The following SCEL variants were observed in gnomAD, a reference collection of about 807,000 sequenced individuals.
SCEL encodes sciellin.
A neutral mutation model predicts 117.6 loss-of-function variants in SCEL; 113 were observed. That is an observed-to-expected ratio of 0.96 (90% CI 0.83 to 1.12). The LOEUF (loss-of-function observed/expected upper bound fraction) is 1.12, where lower values mean the gene tolerates loss of function less well. Ranked by LOEUF, SCEL falls within the 50% of genes most tolerant of loss-of-function variation. SCEL has a pLI of 0.00. For missense variants in SCEL, 785 were observed against 810.8 expected (o/e 0.97, Z 0.39); for synonymous variants, 270 against 256.2 (o/e 1.05, Z -0.51).
intron 19 of SCEL, among the ~76,000 whole-genome samples, chr13:77,606,280 T>C (rs548157720): frequency 6.6e-6 from 1 of 152,336 alleles, no homozygotes; most frequent in African/African-American, 2.4e-5. Flanking sequence ...TTTGTGTATA[T>C]GGGTGCATAT....
intron 9 of SCEL, among the ~76,000 whole-genome samples, chr13:77,581,801 GT>G (rs1450113466): frequency 5.9e-5 from 9 of 152,200 alleles, no homozygotes; most frequent in Admixed American, 5.9e-4. Flanking sequence ...TAAAGGGACT[GT>G]CTCTGGTCAT....
chr13:77,608,445 C>G (rs886921495), intron 20 of SCEL, among the ~76,000 whole-genome samples: 13 of 152,024 alleles, frequency 8.6e-5, no homozygotes, highest in Non-Finnish European at 1.5e-5. Flanking sequence ...ATAAAAAATA[C>G]AAAAATTAGC....
At chr13:77,572,402 C>G (rs139852457) in intron 9 of SCEL, among the ~76,000 whole-genome samples, 1 of 152,258 alleles carries the variant, frequency 6.6e-6, no homozygotes, top group Non-Finnish European at 1.5e-5. Flanking sequence ...GAGTAGGTGG[C>G]TGTATTAGAT....
chr13:77,540,927 G>A (rs2154393660), intron 1 of SCEL, among the ~76,000 whole-genome samples: 1 of 152,336 alleles, frequency 6.6e-6, no homozygotes. Flanking sequence ...GGAGATTATG[G>A]TAGTTTGAAT....
intron 27 of SCEL, among the ~76,000 whole-genome samples, chr13:77,627,552 G>T (rs1312685815): frequency 6.6e-6 from 1 of 152,172 alleles, no homozygotes; most frequent in African/African-American, 2.4e-5. Flanking sequence ...TAAGGTGATA[G>T]ATAGCCCAAG....
At chr13:77,601,481 A>G (rs1183742086) in intron 15 of SCEL, among the ~76,000 whole-genome samples, 1 of 152,166 alleles carries the variant, frequency 6.6e-6, no homozygotes, top group African/African-American at 2.4e-5. Flanking sequence ...AGCTTGGGGG[A>G]ATTTAAAGAG....
intron 15 of SCEL, among the ~76,000 whole-genome samples, chr13:77,601,390 C>T (rs2087675989): frequency 6.6e-6 from 1 of 152,078 alleles, no homozygotes; most frequent in Non-Finnish European, 1.5e-5. Context: ...CCTTCTTTCT[C>T]ACATTGAAAT....
chr13:77,570,874 T>C (rs2085561066), intron 8 of SCEL, among the ~76,000 whole-genome samples: 1 of 152,016 alleles, frequency 6.6e-6, no homozygotes, highest in Non-Finnish European at 1.5e-5. Context: ...TTTTTCTTTT[T>C]TTTTGGAGTG....
chr13:77,572,849 T>C (rs958115739), intron 9 of SCEL, among the ~76,000 whole-genome samples: 2 of 152,126 alleles, frequency 1.3e-5, no homozygotes, highest in Non-Finnish European at 2.9e-5. Flanking sequence ...GATTTCAACA[T>C]GTGAATTTTG....
intron 24 of SCEL, 102 bp downstream of exon 24, chr13:77,614,057 C>A: frequency 1.0e-6 from 1 of 976,302 alleles, no homozygotes; most frequent in East Asian, 2.5e-5. Context: ...ATATAAATCT[C>A]AAAATATCAT....
intron 8 of SCEL, among the ~76,000 whole-genome samples, chr13:77,570,500 C>T (rs1001502868): frequency 3.3e-5 from 5 of 152,194 alleles, no homozygotes; most frequent in African/African-American, 1.2e-4. Flanking sequence ...TTGACTTGCT[C>T]TCCTGGGTAG....
Position 77,556,602 on chromosome 13 carries a change from A to G in SCEL, c.50A>G (p.Lys17Arg). Residue 17 changes from lysine (K) to arginine (R), a missense_variant, in exon 3 of 33, where the codon AAG (lysine) becomes AGG (arginine). Physicochemically the swap from Lys to Arg is conservative, Grantham distance 26. Coordinates refer to ENST00000349847, the MANE Select transcript of SCEL (RefSeq NM_144777.3). Reference protein sequence around the residue: ...RKMSPTGNEMKSTTQGTTRKQ... With the variant: ...RKMSPTGNEMRSTTQGTTRKQ... Reference sequence around the variant, plus strand: ...TTCATGTTTCTGTTGATAGAGATGAAGAGCACCACTCAGGGAACCACACGG... The same window carrying G: ...TTCATGTTTCTGTTGATAGAGATGAGGAGCACCACTCAGGGAACCACACGG... 4 of 1,613,260 alleles carry G rather than the reference A, an allele frequency of 2.5e-6. No individual in the cohort carries two copies. Among genetic ancestry groups the G allele is most frequent in the Non-Finnish European group, 3.4e-6 (4 of 1,179,234 alleles).
chr13:77,626,580 T>C (rs2089743758), intron 27 of SCEL, among the ~76,000 whole-genome samples: 1 of 152,180 alleles, frequency 6.6e-6, no homozygotes, highest in African/African-American at 2.4e-5. Flanking sequence ...CTCCATGCTG[T>C]TCTCATGAGA....
At chr13:77,602,601 C>T in intron 16 of SCEL, 53 bp from the exon 17 acceptor site, 1 of 1,475,924 alleles carries the variant, frequency 6.8e-7, no homozygotes, top group Non-Finnish European at 9.5e-7. Context: ...ATACAGATTT[C>T]AGAGAAAATT....
intron 9 of SCEL, among the ~76,000 whole-genome samples, chr13:77,574,237 G>C (rs751055215): frequency 1.3e-5 from 2 of 152,090 alleles, no homozygotes; most frequent in Non-Finnish European, 2.9e-5. Context: ...GTTGTGGATC[G>C]GTTTGCACAG....
intron 1 of SCEL, among the ~76,000 whole-genome samples, chr13:77,549,513 C>T (rs2084184850): frequency 6.6e-6 from 1 of 152,144 alleles, no homozygotes; most frequent in Non-Finnish European, 1.5e-5. Flanking sequence ...ATTCTCTTGC[C>T]TGTGATTGAC....
intron 30 of SCEL, among the ~76,000 whole-genome samples, 154 bp downstream of exon 30, chr13:77,637,348 A>ATATATAAACATATACT (rs1446474121): frequency 1.4e-5 from 2 of 138,560 alleles, no homozygotes; most frequent in Non-Finnish European, 3.1e-5. Flanking sequence ...ACATATATAC[A>ATATATAAACATATACT]TATATAAACA....
chr13:77,636,443 A>G (rs2090281534), intron 29 of SCEL, among the ~76,000 whole-genome samples: 1 of 152,230 alleles, frequency 6.6e-6, no homozygotes, highest in Non-Finnish European at 1.5e-5. Context: ...GTTATCAATC[A>G]TTGTATGAAA....
intron 24 of SCEL, among the ~76,000 whole-genome samples, chr13:77,616,002 C>CTGTG (rs1272729598): frequency 0.033 from 4,619 of 141,776 alleles, 108 homozygotes; most frequent in African/African-American, 0.082. Context: ...ATTTATGTCT[C>CTGTG]TCTGTGTGTG....
Sources: gnomAD v4.1 joint callset for allele counts (sites outside exome capture counted in the v4.1 genomes callset) on GRCh38, gnomAD v4.1.1 for gene constraint, MANE v1.5 for transcripts, NCBI Gene and HGNC (gene_info 2026-07-23, HGNC 2026-07-21) for gene names.